Variants in TGM5 observed in about 807,000 individuals in gnomAD.
TGM5 encodes the protein protein-glutamine gamma-glutamyltransferase 5.
A neutral mutation model predicts 77.2 loss-of-function variants in TGM5; 69 were observed. That is an observed-to-expected ratio of 0.89 (90% confidence interval 0.74 to 1.09). The LOEUF (loss-of-function observed/expected upper bound fraction) is 1.09, where lower values mean the gene tolerates loss of function less well. Ranked by LOEUF, TGM5 falls within the 50% of genes least tolerant of loss-of-function variation. The probability of loss-of-function intolerance (pLI) is 0.00; values close to 1 mark genes in which losing one functional copy is unlikely to be tolerated. For synonymous variants in TGM5, 346 were observed against 351.8 expected (o/e 0.98, Z 0.18); for missense variants, 842 against 896.5 (o/e 0.94, Z 0.78).
At chr15:43,259,940 A>C in intron 3 of TGM5, 112 bp downstream of exon 3, 6 of 1,478,806 alleles carry the variant, frequency 4.1e-6, no homozygotes, top group African/African-American at 1.4e-5. Context: ...AGTGCAGGGA[A>C]TTGAGGAGGC....
intron 6 of TGM5, among the ~76,000 whole-genome samples, chr15:43,252,037 C>T (rs35535692): frequency 0.13 from 19,243 of 152,254 alleles, 1,603 homozygotes; most frequent in Middle Eastern, 0.23. Flanking sequence ...CCCTGACTCA[C>T]GTTTCCCTTC....
rs2042553654 is a variant in TGM5 at position 43,232,604 on chromosome 15, G to C, written c.*587C>G. 1 of 157,930 alleles carries C rather than the reference G, an allele frequency of 6.3e-6. No homozygotes were observed. 9.8% of individuals were successfully genotyped at this position (157,930 alleles called of 1,614,324 possible). A position where few individuals can be genotyped will look rare whatever the true frequency, so the allele number is the denominator to read the frequency against. ...ACTACATGAGGCAAAGGAGAGCAAG[G>C]TCTGAAGTTTATTCATACTAGGGAA... On this transcript the variant is annotated 3_prime_UTR_variant, in exon 13 of 13. Coordinates refer to ENST00000220420, the MANE Select transcript of TGM5 (RefSeq NM_201631.4).
intron 1 of TGM5, among the ~76,000 whole-genome samples, chr15:43,264,090 C>T (rs1426993956): frequency 6.6e-6 from 1 of 152,102 alleles, no homozygotes; most frequent in Non-Finnish European, 1.5e-5. Flanking sequence ...CCTAGGGAAA[C>T]ACAAATGAGA....
intron 5 of TGM5, 133 bp downstream of exon 5, chr15:43,253,373 A>G (rs2042719507): frequency 7.7e-6 from 10 of 1,296,342 alleles, no homozygotes; most frequent in Non-Finnish European, 1.1e-5. Flanking sequence ...TGTCACCCAC[A>G]TTCTGGCGTC....
chr15:43,263,990 A>T (rs2042808331), intron 1 of TGM5, among the ~76,000 whole-genome samples: 1 of 152,254 alleles, frequency 6.6e-6, no homozygotes, highest in Admixed American at 6.5e-5. Context: ...ACTCAAATTT[A>T]AAATGGGCAA....
intron 3 of TGM5, among the ~76,000 whole-genome samples, chr15:43,257,893 C>T (rs1232116472): frequency 6.6e-6 from 1 of 152,118 alleles, no homozygotes; most frequent in Non-Finnish European, 1.5e-5. Context: ...GAATACTATG[C>T]AGCCATAAAA....
At chr15:43,262,286 C>A (rs2042795154) in intron 1 of TGM5, among the ~76,000 whole-genome samples, 1 of 152,222 alleles carries the variant, frequency 6.6e-6, no homozygotes, top group South Asian at 2.1e-4. Flanking sequence ...TATCAACAGA[C>A]CTACTAGTGT....
At position 43,252,801 on chromosome 15, in the gene TGM5, G is replaced by T. The variant is rs775889084; in HGVS notation, c.820C>A (p.Arg274Ser). 22 of 1,613,996 alleles carry T rather than the reference G, an allele frequency of 1.4e-5. No individual in the cohort carries two copies. In the East Asian group the frequency reaches 4.9e-4, roughly 36 times the overall value. The change falls in exon 6 of 13, where the codon CGC becomes AGC. Residue 274 changes from arginine to serine, a missense_variant. Arg to Ser is a moderately radical substitution (Grantham distance 110). Around this residue, in one of 2 missense-constraint regions of TGM5, gnomAD observed 815 missense variants for 844.6 expected, o/e 0.96. Transcript: ENST00000220420. Reference sequence around the variant, plus strand: ...GCAAAGACCCAGCATTGCCCGTAGCGCACGGGCTGGCAGCCTGTGGCGTTC... The same window carrying T: ...GCAAAGACCCAGCATTGCCCGTAGCTCACGGGCTGGCAGCCTGTGGCGTTC... ...QWNATGCQPV[R>S]YGQCWVFAAV...
At chr15:43,240,314 A>G (rs931014081) in intron 7 of TGM5, among the ~76,000 whole-genome samples, 2 of 152,158 alleles carry the variant, frequency 1.3e-5, no homozygotes, top group Admixed American at 6.5e-5. Context: ...CACTCAGTCT[A>G]TTACCATTAG....
At chr15:43,240,365 A>G (rs2042625851) in intron 7 of TGM5, among the ~76,000 whole-genome samples, 1 of 152,210 alleles carries the variant, frequency 6.6e-6, no homozygotes, top group South Asian at 2.1e-4. Flanking sequence ...ATGGCTGTCC[A>G]TACTCTGTTA....
intron 6 of TGM5, among the ~76,000 whole-genome samples, chr15:43,248,927 C>T (rs1462269215): frequency 6.6e-6 from 1 of 152,066 alleles, no homozygotes; most frequent in East Asian, 1.9e-4. Context: ...AAGCAGAGGG[C>T]CCTATATGCA....
intron 6 of TGM5, chr15:43,247,559 ATAT>A (rs1161716541): frequency 1.3e-5 from 2 of 152,104 alleles, no homozygotes; most frequent in Non-Finnish European, 2.9e-5. Context: ...GCTATTTTAA[ATAT>A]TATAAATATG....
chr15:43,260,408 A>G lies in TGM5; in HGVS notation c.182T>C (p.Val61Ala), dbSNP rs1370049359. The change falls in exon 2 of 13, where the codon GTT (valine) becomes GCT (alanine). Residue 61 changes from valine (V) to alanine (A), a missense_variant. By Grantham distance (64) the Val-to-Ala change is moderately conservative. This residue lies in a region of TGM5 where 815 missense variants were observed against 844.6 expected (regional missense o/e 0.96). Coordinates refer to ENST00000220420, the MANE Select transcript of TGM5 (RefSeq NM_201631.4). ...QPGLDNIIFV[V>A]ETGPLPDLAL... The stretch of plus-strand genomic sequence containing the variant: ...CCAGCTGGGGTTCTTACCAGTTTCA[A>G]CCACGAAGATGATGTTGTCCAGGCC... 2 of 1,614,028 alleles carry G rather than the reference A, an allele frequency of 1.2e-6. No individual in the cohort carries two copies. The highest frequency in any genetic ancestry group is 1.3e-5 in the African/African-American group (1 of 74,904).
At chr15:43,241,400 G>A (rs888681097) in intron 6 of TGM5, 6 of 295,836 alleles carry the variant, frequency 2.0e-5, no homozygotes, top group Non-Finnish European at 3.3e-5. Flanking sequence ...TAGGATTATT[G>A]CTTCAGACCA....
Position 43,252,766 on chromosome 15 carries a change from C to T in TGM5, c.855G>A (p.Met285Ile), listed in dbSNP as rs762688161. Residue 285 changes from methionine (M) to isoleucine (I), a missense_variant, in exon 6 of 13, where the codon ATG (methionine) becomes ATA (isoleucine). Physicochemically the swap from Met to Ile is conservative, Grantham distance 10 (BLOSUM62 1). This residue lies in a region of TGM5 where 815 missense variants were observed against 844.6 expected (regional missense o/e 0.96). Transcript: ENST00000220420. ...YGQCWVFAAV[M>I]CTVMRCLGIP... Reference sequence around the variant, plus strand: ...GTCCTTTCTACCTCCTACCTGTGCACATGACGGCAGCAAAGACCCAGCATT... The same window carrying T: ...GTCCTTTCTACCTCCTACCTGTGCATATGACGGCAGCAAAGACCCAGCATT... The T allele has an allele frequency of 2.2e-5, 35 of 1,613,782 alleles. No individual in the cohort carries two copies. Among genetic ancestry groups the T allele is most frequent in the Non-Finnish European group, 2.9e-5 (34 of 1,180,042 alleles).
At chr15:43,241,679 A>G (rs1455206947) in intron 6 of TGM5, among the ~76,000 whole-genome samples, 3 of 151,320 alleles carry the variant, frequency 2.0e-5, no homozygotes, top group African/African-American at 7.3e-5. Flanking sequence ...TGTGCTTTTT[A>G]TTTTTTTTGA....
chr15:43,241,294 T>C (rs559376017), intron 6 of TGM5: 2 of 444,520 alleles, frequency 4.5e-6, no homozygotes, highest in South Asian at 2.2e-5. Flanking sequence ...AGCCTTTCCT[T>C]TGGCAAAACT....
rs376154962 is a variant in TGM5, at chr15:43,257,428, G to A, written c.437-742C>T. On this transcript the variant is annotated intron_variant, in intron 3 of 12. Coordinates refer to ENST00000220420, the MANE Select transcript of TGM5 (RefSeq NM_201631.4). Reference sequence around the variant, plus strand: ...TTATACATATACACATATACGTGCTGCCCATATGAACAGAGGGTTTTGAAG... The same window carrying A: ...TTATACATATACACATATACGTGCTACCCATATGAACAGAGGGTTTTGAAG... Among the ~76,000 whole-genome samples, 6 of 152,294 alleles carry A rather than the reference G, an allele frequency of 3.9e-5. No individual in the cohort carries two copies. In the East Asian group the frequency reaches 9.6e-4, roughly 24 times the overall value.
chr15:43,253,692 A>C lies in TGM5; in HGVS notation c.556-58T>G, dbSNP rs966089681. ...CATGCTTGTCACGTGGGAGTATGTAAAAAGTAATGACTTCCCCCCAACCCT... is the reference window on the plus strand; with the variant it reads ...CATGCTTGTCACGTGGGAGTATGTACAAAGTAATGACTTCCCCCCAACCCT... On this transcript the variant is annotated intron_variant, in intron 4 of 12. Coordinates refer to ENST00000220420, the MANE Select transcript of TGM5 (RefSeq NM_201631.4). 31 of 1,601,034 alleles carry C rather than the reference A, an allele frequency of 1.9e-5. No homozygotes were observed. The African/African-American group carries it at 3.9e-4, about 20-fold the overall frequency.
Sources: allele counts gnomAD v4.1 joint callset (sites outside exome capture counted in the v4.1 genomes callset), GRCh38; gene constraint gnomAD v4.1.1; regional missense constraint gnomAD v4.1.1; transcripts MANE v1.5; gene names NCBI Gene and HGNC (gene_info 2026-07-23, HGNC 2026-07-21).